TEX9: variants seen among roughly 807,000 people sequenced by gnomAD.
TEX9 encodes testis-expressed protein 9.
Under a neutral mutation model 59.6 loss-of-function variants are expected in TEX9, and 74 were observed. The ratio of observed to expected loss-of-function variants is 1.24; its 90% CI spans 1.03 to 1.51. The LOEUF is 1.51. Among genes scored for constraint, TEX9 ranks in the 40% most tolerant of loss-of-function variants. TEX9 has a pLI of 0.00. For missense variants in TEX9, 522 were observed against 447.8 expected, an observed-to-expected ratio of 1.17 and a Z score of -1.49; for synonymous variants, 186 against 152.2, an observed-to-expected ratio of 1.22 and a Z score of -1.64.
At chr15:56,394,897 C>A in intron 9 of TEX9, 63 bp downstream of exon 9, 1 of 1,475,954 alleles carries the variant, frequency 6.8e-7, no homozygotes, top group Non-Finnish European at 9.2e-7. Flanking sequence ...TAAGGTTACA[C>A]ATTTGTATAG....
Position 56,254,297 on chromosome 15 carries a change from C to G in TEX9, c.-107+10019C>G, listed in dbSNP as rs554625368. On this transcript the variant is annotated intron_variant, in intron 1 of 5. Transcript: ENST00000560827. ...GGAGGTAGGATAAATTTCAGGGATG[C>G]TACAAGCTCAGAGAGAACAGGTTCT... Among the ~76,000 whole-genome samples the G allele has an allele frequency of 3.3e-5, 5 of 152,062 alleles. No individual in the cohort carries two copies. The South Asian group carries it at 1.0e-3, about 32-fold the overall frequency.
intron 10 of TEX9, among the ~76,000 whole-genome samples, chr15:56,414,177 G>T (rs2049547416): frequency 1.3e-5 from 2 of 151,774 alleles, no homozygotes; most frequent in South Asian, 4.1e-4. Context: ...CACATATTAA[G>T]AAAACAGAAG....
At chr15:56,289,721 T>A (rs2045043786) in intron 1 of TEX9, among the ~76,000 whole-genome samples, 1 of 151,992 alleles carries the variant, frequency 6.6e-6, no homozygotes, top group Admixed American at 6.6e-5. Flanking sequence ...GACTGATGAG[T>A]GACCCCTATG....
At chr15:56,288,041 A>G (rs1355620216) in intron 1 of TEX9, among the ~76,000 whole-genome samples, 1 of 152,204 alleles carries the variant, frequency 6.6e-6, no homozygotes, top group Admixed American at 6.5e-5. Flanking sequence ...TATACGCAGT[A>G]GTGAGATTGC....
intron 1 of TEX9, among the ~76,000 whole-genome samples, chr15:56,349,593 C>G (rs1237215711): frequency 3.9e-5 from 6 of 152,050 alleles, no homozygotes; most frequent in Non-Finnish European, 8.8e-5. Context: ...AAACCCACAC[C>G]CTGCTATTCC....
At position 56,372,629 on chromosome 15, in the gene TEX9, G is replaced by A. The variant is rs2682036; in HGVS notation, c.120-812G>A. ...AACATGCTTCTAAAGATTACGTGAA[G>A]ATAGATATTCCTTTTATATTGCTGT... On this transcript the variant is annotated intron_variant, in intron 2 of 12. Transcript: ENST00000352903. Among the ~76,000 whole-genome samples the A allele has an allele frequency of 4.6e-5, 7 of 151,914 alleles. No individual in the cohort carries two copies. In the South Asian group the frequency reaches 1.5e-3, roughly 32 times the overall value.
At chr15:56,299,275 C>T (rs2045286664) in intron 1 of TEX9, among the ~76,000 whole-genome samples, 1 of 152,258 alleles carries the variant, frequency 6.6e-6, no homozygotes, top group Admixed American at 6.5e-5. Flanking sequence ...TCAGTACTGC[C>T]CTGTCACAGA....
intron 1 of TEX9, among the ~76,000 whole-genome samples, chr15:56,334,543 G>A (rs1456352520): frequency 2.6e-5 from 4 of 152,250 alleles, no homozygotes; most frequent in Admixed American, 2.6e-4. Context: ...TCAAAACTGT[G>A]AAACTACTGA....
At chr15:56,244,981 C>A (rs756702860) in intron 1 of TEX9, among the ~76,000 whole-genome samples, 26 of 152,192 alleles carry the variant, frequency 1.7e-4, no homozygotes, top group Non-Finnish European at 8.8e-5. Flanking sequence ...AACAGCTGTT[C>A]AGCTCACACT....
intron 1 of TEX9, among the ~76,000 whole-genome samples, chr15:56,339,401 A>AAACTAAC (rs1555434472): frequency 8.1e-6 from 1 of 124,196 alleles, no homozygotes; most frequent in Non-Finnish European, 1.7e-5. Flanking sequence ...AAAAAAAAAA[A>AAACTAAC]AAAAAAAAAA....
At chr15:56,273,835 T>C (rs2044607064) in intron 1 of TEX9, among the ~76,000 whole-genome samples, 1 of 152,228 alleles carries the variant, frequency 6.6e-6, no homozygotes, top group Admixed American at 6.5e-5. Flanking sequence ...AAAATGTCTT[T>C]TTACGTCTGG....
intron 1 of TEX9, among the ~76,000 whole-genome samples, chr15:56,327,911 C>G (rs1596092958): frequency 6.6e-6 from 1 of 152,028 alleles, no homozygotes; most frequent in Non-Finnish European, 1.5e-5. Context: ...CAGTCTAGGC[C>G]ACAAGAACCG....
At chr15:56,361,996 T>A (rs2046799056), upstream of TEX9, among the ~76,000 whole-genome samples, 1 of 151,326 alleles carries the variant, frequency 6.6e-6, no homozygotes, top group Non-Finnish European at 1.5e-5. Context: ...GCCACTCACT[T>A]GGTGGTGCTT....
At chr15:56,358,142 C>T (rs571132955) in intron 1 of TEX9, among the ~76,000 whole-genome samples, 103 of 152,252 alleles carry the variant, frequency 6.8e-4, no homozygotes, top group Non-Finnish European at 7.1e-4. Context: ...TTCAGCTCTT[C>T]CATATTGCTG....
At chr15:56,454,200 ACTTT>A in the TEX9 span, among the ~76,000 whole-genome samples, 1 of 152,162 alleles carries the variant, frequency 6.6e-6, no homozygotes, top group Non-Finnish European at 1.5e-5. Context: ...ATACTCAAGC[ACTTT>A]CTTCCTTTTA....
intron 1 of TEX9, among the ~76,000 whole-genome samples, chr15:56,304,577 T>A (rs921319949): frequency 2.0e-5 from 3 of 152,266 alleles, no homozygotes; most frequent in Non-Finnish European, 4.4e-5. Context: ...ATCCTTGCAT[T>A]CATGGGATAA....
At chr15:56,437,097 AT>A (rs1237107222) in intron 12 of TEX9, among the ~76,000 whole-genome samples, 1 of 152,202 alleles carries the variant, frequency 6.6e-6, no homozygotes, top group Non-Finnish European at 1.5e-5. Context: ...TCCCTAACTC[AT>A]TTTATGAGGC....
chr15:56,312,838 T>C (rs1456118801), intron 1 of TEX9, among the ~76,000 whole-genome samples: 5 of 113,140 alleles, frequency 4.4e-5, no homozygotes, highest in African/African-American at 1.8e-4. Flanking sequence ...TGGTTTGTAG[T>C]TCTCCTTGAA....
At chr15:56,368,871 G>C (rs1173560052) in intron 2 of TEX9, among the ~76,000 whole-genome samples, 1 of 151,954 alleles carries the variant, frequency 6.6e-6, no homozygotes, top group African/African-American at 2.4e-5. Context: ...TGGTTTTCTT[G>C]CTAATCTGTG....
Sources: allele counts gnomAD v4.1 joint callset (sites outside exome capture counted in the v4.1 genomes callset), GRCh38; gene constraint gnomAD v4.1.1; transcripts MANE v1.5; gene names NCBI Gene and HGNC (gene_info 2026-07-23, HGNC 2026-07-21).